TMEM184B: variants seen among roughly 807,000 people sequenced by gnomAD.
TMEM184B encodes the protein transmembrane protein 184B.
In TMEM184B, 17 loss-of-function variants were observed where a neutral mutation model predicts 41.8. The observed-to-expected ratio is 0.41, with a 90% CI of 0.28 to 0.61. The LOEUF (loss-of-function observed/expected upper bound fraction) is 0.61. Ranked by LOEUF, TMEM184B falls within the 20% of genes least tolerant of loss-of-function variation. The pLI is 0.34. For missense variants in TMEM184B, 393 were observed against 557.8 expected, an observed-to-expected ratio of 0.70 and a Z score of 2.98; for synonymous variants, 240 against 229.5, an observed-to-expected ratio of 1.05 and a Z score of -0.41.
Position 38,248,007 on chromosome 22 carries a change from G to A in TMEM184B, c.-46C>T. 4 of 1,522,630 alleles carry A rather than the reference G, an allele frequency of 2.6e-6. No individual in the cohort carries two copies. Among genetic ancestry groups the A allele is most frequent in the Non-Finnish European group, 3.5e-6 (4 of 1,139,200 alleles). 94.3% of individuals were successfully genotyped at this position (1,522,630 alleles called of 1,614,324 possible). A position where few individuals can be genotyped will look rare whatever the true frequency, so the allele number is the denominator to read the frequency against. On this transcript the variant is annotated 5_prime_UTR_variant, in exon 2 of 9. Transcript: ENST00000361906. ...TCCCTGAGGGAAACCTTTGCAGAAA[G>A]TGACAAGCTAGCCTAGAGAGAAGAA...
chr22:38,255,322 C>T (rs1411547702), intron 1 of TMEM184B, among the ~76,000 whole-genome samples: 2 of 151,884 alleles, frequency 1.3e-5, no homozygotes, highest in Non-Finnish European at 2.9e-5. Context: ...CCGCACCCGG[C>T]CTCATGGCCG....
At chr22:38,246,691 G>T in intron 2 of TMEM184B, 1 of 777,068 alleles carries the variant, frequency 1.3e-6, no homozygotes, top group Non-Finnish European at 1.8e-6. Flanking sequence ...CAGCACCACT[G>T]CTGCTCTGTT....
intron 3 of TMEM184B, among the ~76,000 whole-genome samples, chr22:38,237,245 A>G (rs1393878970): frequency 1.3e-5 from 2 of 152,220 alleles, no homozygotes; most frequent in Non-Finnish European, 2.9e-5. Context: ...TCAGGCATGG[A>G]GCACCTAAGA....
intron 8 of TMEM184B, chr22:38,222,001 C>A: frequency 2.1e-6 from 1 of 479,716 alleles, no homozygotes; most frequent in Non-Finnish European, 3.8e-6. Flanking sequence ...TGGAGACTGG[C>A]AAGCTATGGG....
rs117553069 is a variant in TMEM184B at position 38,234,780 on chromosome 22, G to A, written c.359-3446C>T. On this transcript the variant is annotated intron_variant, in intron 3 of 8. Coordinates refer to ENST00000361906, the MANE Select transcript of TMEM184B (RefSeq NM_012264.5). Reference sequence around the variant, plus strand: ...CCCTCCGGCACAAAAGCAACATTAAGTAAGGTAAAGAGCCATGGGCCCTGG... The same window carrying A: ...CCCTCCGGCACAAAAGCAACATTAAATAAGGTAAAGAGCCATGGGCCCTGG... Among the ~76,000 whole-genome samples, 265 of 152,128 alleles carry A rather than the reference G, an allele frequency of 1.7e-3. 1 individual carries two copies. Among genetic ancestry groups the A allele is most frequent in the Admixed American group, 4.0e-3 (61 of 15,280 alleles).
intron 3 of TMEM184B, among the ~76,000 whole-genome samples, chr22:38,245,203 G>A (rs902121977): frequency 6.6e-6 from 1 of 152,206 alleles, no homozygotes; most frequent in Non-Finnish European, 1.5e-5. Context: ...CTACCCAACT[G>A]CACCTGGGGC....
At chr22:38,238,405 T>C (rs1331674498) in intron 3 of TMEM184B, among the ~76,000 whole-genome samples, 1 of 152,026 alleles carries the variant, frequency 6.6e-6, no homozygotes, top group Non-Finnish European at 1.5e-5. Context: ...TTTGTATTTT[T>C]AGTAGAGATG....
chr22:38,227,478 C>A (rs1018305072), intron 5 of TMEM184B, among the ~76,000 whole-genome samples: 1 of 152,126 alleles, frequency 6.6e-6, no homozygotes, highest in Non-Finnish European at 1.5e-5. Context: ...GGGAAGCCGG[C>A]GCAGGTGAGG....
chr22:38,219,208 C>T (rs541751621), downstream of TMEM184B: 39 of 966,990 alleles, frequency 4.0e-5, no homozygotes, highest in East Asian at 1.5e-3. Context: ...TTTCCTAAGC[C>T]GCCTGTACCC....
rs889211875 is a variant in TMEM184B at position 38,230,714 on chromosome 22, G to T, written c.480C>A (p.Leu160=). The T allele has an allele frequency of 1.2e-6, 2 of 1,612,446 alleles. No homozygotes were observed. Among genetic ancestry groups the T allele is most frequent in the Non-Finnish European group, 1.7e-6 (2 of 1,179,454 alleles). Residue 160 remains leucine, a synonymous_variant, in exon 5 of 9, where the codon CTC becomes CTA. Coordinates refer to ENST00000361906, the MANE Select transcript of TMEM184B (RefSeq NM_012264.5). Reference sequence around the variant, plus strand: ...ATCCGATGGAATAAGTCTTTCCCCAGAGGCAGCAGGTGCCATACATACAGC... The same window carrying T: ...ATCCGATGGAATAAGTCTTTCCCCATAGGCAGCAGGTGCCATACATACAGC... ...ESSCMYGTCC[L]WGKTYSIGFL...
intron 8 of TMEM184B, among the ~76,000 whole-genome samples, chr22:38,224,515 A>G (rs1238562692): frequency 6.6e-6 from 1 of 152,204 alleles, no homozygotes; most frequent in Non-Finnish European, 1.5e-5. Flanking sequence ...GAATTTGTCT[A>G]TTCATTACAG....
At position 38,226,645 on chromosome 22, in the gene TMEM184B, A is replaced by T; in HGVS notation, c.617+134T>A. 5.8e-6 allele frequency: 5 copies of T among 860,508 alleles called. No individual in the cohort carries two copies. The highest frequency in any genetic ancestry group is 9.0e-6 in the Non-Finnish European group (5 of 552,786). 53.3% of individuals were successfully genotyped at this position (860,508 alleles called of 1,614,324 possible). The stretch of plus-strand genomic sequence containing the variant: ...GTGTCCACTGCTGGGCTCAGACTTC[A>T]GGGGGGTTGTGAGCACCAGACACCC... On this transcript the variant is annotated intron_variant, in intron 6 of 8. Coordinates refer to ENST00000361906, the MANE Select transcript of TMEM184B (RefSeq NM_012264.5). This position sits in a 1 kb window ranked among gnomAD's most constrained non-coding sequence, Gnocchi z 4.6.
Position 38,220,746 on chromosome 22 carries a change from G to C in TMEM184B, c.*723C>G. 1 of 986,306 alleles carries C rather than the reference G, an allele frequency of 1.0e-6. No homozygotes were observed. The highest frequency in any genetic ancestry group is 1.2e-6 in the Non-Finnish European group (1 of 830,264). The allele number at this position is 986,306 out of a possible 1,614,324, so 61.1% of individuals were successfully genotyped here. A position where few individuals can be genotyped will look rare whatever the true frequency, so the allele number is the denominator to read the frequency against. On this transcript the variant is annotated 3_prime_UTR_variant, in exon 9 of 9. Coordinates refer to ENST00000361906, the MANE Select transcript of TMEM184B (RefSeq NM_012264.5). ...GCGGGCTGTGGGCTGTCCTTGGTAG[G>C]CCAGGGGGAAGGGGCATGAGGCAGG...
intron 3 of TMEM184B, among the ~76,000 whole-genome samples, chr22:38,237,579 G>A (rs1395954044): frequency 6.6e-6 from 1 of 152,222 alleles, no homozygotes; most frequent in Non-Finnish European, 1.5e-5. Context: ...ATAACGGGTG[G>A]ATGAGCCTGG....
At position 38,226,923 on chromosome 22, in the gene TMEM184B, A is replaced by G; in HGVS notation, c.526-53T>C. The stretch of plus-strand genomic sequence containing the variant: ...TGGAGGAGGAGCACAGAAGGCATGA[A>G]GCAAGCCCTGCCTCTGGCAGACGGA... On this transcript the variant is annotated intron_variant, in intron 5 of 8. Transcript: ENST00000361906. This position sits in a 1 kb window ranked among gnomAD's most constrained non-coding sequence, Gnocchi z 4.6. 2 of 1,528,032 alleles carry G rather than the reference A, an allele frequency of 1.3e-6. No individual in the cohort carries two copies. Among genetic ancestry groups the G allele is most frequent in the Non-Finnish European group, 1.8e-6 (2 of 1,125,672 alleles). 94.7% of individuals were successfully genotyped at this position (1,528,032 alleles called of 1,614,324 possible).
At chr22:38,231,649 G>C (rs1189694795) in intron 3 of TMEM184B, 1 of 503,590 alleles carries the variant, frequency 2.0e-6, no homozygotes, top group African/African-American at 1.9e-5. Flanking sequence ...GGTAAGGGTG[G>C]GTACTCAGGA....
intron 5 of TMEM184B, among the ~76,000 whole-genome samples, chr22:38,229,641 G>A: frequency 6.8e-6 from 1 of 146,074 alleles, no homozygotes; most frequent in South Asian, 2.3e-4. Context: ...TAGACCACAG[G>A]GAGGTCAGCC....
chr22:38,246,162 T>A (rs1017330717), intron 2 of TMEM184B, 62 bp from the exon 3 acceptor site: 35 of 1,568,972 alleles, frequency 2.2e-5, no homozygotes, highest in Middle Eastern at 2.1e-4. Flanking sequence ...GGAGGGCAGG[T>A]GGGCTTCCAG....
At position 38,225,390 on chromosome 22, in the gene TMEM184B, A is replaced by G. The variant is rs1313529572; in HGVS notation, c.787+34T>C. On this transcript the variant is annotated intron_variant, in intron 7 of 8. Coordinates refer to ENST00000361906, the MANE Select transcript of TMEM184B (RefSeq NM_012264.5). This position sits in a 1 kb window ranked among gnomAD's most constrained non-coding sequence, Gnocchi z 4.4. The stretch of plus-strand genomic sequence containing the variant: ...CAGGAAGCGCAGAGGACAGGGTGGC[A>G]TGGGCAGCCTCCAGGTGCTGGGAGG... The G allele has an allele frequency of 1.3e-6, 2 of 1,532,248 alleles. No homozygotes were observed. The highest frequency in any genetic ancestry group is 2.8e-5 in the African/African-American group (2 of 71,312). 94.9% of individuals were successfully genotyped at this position (1,532,248 alleles called of 1,614,324 possible).
Sources: allele counts gnomAD v4.1 joint callset (sites outside exome capture counted in the v4.1 genomes callset), GRCh38; gene constraint gnomAD v4.1.1; non-coding constraint Gnocchi (gnomAD v3.1); transcripts MANE v1.5; gene names NCBI Gene and HGNC (gene_info 2026-07-23, HGNC 2026-07-21).